The following MIPOL1 variants were observed in gnomAD, a reference collection of about 807,000 sequenced individuals.
MIPOL1 encodes the protein mirror-image polydactyly gene 1 protein.
Under a neutral mutation model 60.9 loss-of-function variants are expected in MIPOL1, and 57 were observed. The ratio of observed to expected loss-of-function variants is 0.94; its 90% CI spans 0.76 to 1.17. The LOEUF (loss-of-function observed/expected upper bound fraction) is 1.17. Among genes scored for constraint, MIPOL1 ranks in the 50% most tolerant of loss-of-function variants. The pLI, the probability that MIPOL1 is intolerant of heterozygous loss-of-function variation, is 0.00. For synonymous variants in MIPOL1, 179 were observed against 168.8 expected (o/e 1.06, Z -0.47); for missense variants, 551 against 511.6 (o/e 1.08, Z -0.74).
chr14:37,307,277 TCA>T (rs2086865902), intron 7 of MIPOL1, among the ~76,000 whole-genome samples: 1 of 151,898 alleles, frequency 6.6e-6, no homozygotes, highest in South Asian at 2.1e-4. Flanking sequence ...CTAACATATA[TCA>T]CAAATTTTCT....
At chr14:37,414,382 G>A (rs889118984) in intron 10 of MIPOL1, among the ~76,000 whole-genome samples, 1 of 152,088 alleles carries the variant, frequency 6.6e-6, no homozygotes, top group Non-Finnish European at 1.5e-5. Context: ...CTCTTCAATT[G>A]TGGGTGAAGT....
intron 11 of MIPOL1, among the ~76,000 whole-genome samples, chr14:37,490,416 C>G (rs906395985): frequency 4.6e-5 from 7 of 152,158 alleles, no homozygotes; most frequent in African/African-American, 1.7e-4. Context: ...GCCAGCCAGA[C>G]CACTTGGCTC....
At chr14:37,207,198 TG>T (rs1966226799) in intron 1 of MIPOL1, among the ~76,000 whole-genome samples, 2 of 152,152 alleles carry the variant, frequency 1.3e-5, no homozygotes, top group South Asian at 2.1e-4. Context: ...ACTTGAATCA[TG>T]GGGGCAGTTC....
chr14:37,360,792 G>A (rs971790485), intron 9 of MIPOL1, among the ~76,000 whole-genome samples: 1 of 152,024 alleles, frequency 6.6e-6, no homozygotes, highest in Non-Finnish European at 1.5e-5. Flanking sequence ...TGATTTTTTT[G>A]AAGGGTTTTT....
chr14:37,354,805 G>T (rs2091678701), intron 9 of MIPOL1, among the ~76,000 whole-genome samples: 1 of 103,660 alleles, frequency 9.6e-6, no homozygotes, highest in African/African-American at 3.7e-5. Flanking sequence ...GTGTGTCTCT[G>T]CACGTGAGAT....
At chr14:37,487,191 G>T (rs1423368751) in intron 11 of MIPOL1, among the ~76,000 whole-genome samples, 2 of 152,106 alleles carry the variant, frequency 1.3e-5, no homozygotes, top group Admixed American at 1.3e-4. Flanking sequence ...AAGCCGACTT[G>T]ATCGTGGTGG....
intron 10 of MIPOL1, among the ~76,000 whole-genome samples, chr14:37,417,247 A>G (rs2093786301): frequency 6.6e-6 from 1 of 152,228 alleles, no homozygotes; most frequent in South Asian, 2.1e-4. Flanking sequence ...CTCACTGCCC[A>G]TGAATCAGTT....
At chr14:37,318,823 A>AG (rs1383992652) in intron 9 of MIPOL1, among the ~76,000 whole-genome samples, 5,150 of 150,608 alleles carry the variant, frequency 0.034, 294 homozygotes, top group African/African-American at 0.12. Flanking sequence ...TTATTTATTT[A>AG]TTTAGTTAGT....
chr14:37,323,409 T>C (rs1015270952), intron 9 of MIPOL1, among the ~76,000 whole-genome samples: 1 of 152,122 alleles, frequency 6.6e-6, no homozygotes, highest in Non-Finnish European at 1.5e-5. Context: ...TCAGTTAGCG[T>C]GATGCCTCCA....
intron 11 of MIPOL1, among the ~76,000 whole-genome samples, chr14:37,493,929 A>G (rs1229086209): frequency 6.6e-6 from 1 of 152,194 alleles, no homozygotes; most frequent in East Asian, 1.9e-4. Flanking sequence ...AGGAGTTATA[A>G]TACTACTACT....
chr14:37,412,531 A>G (rs1197296025), intron 10 of MIPOL1, among the ~76,000 whole-genome samples: 1 of 152,164 alleles, frequency 6.6e-6, no homozygotes, highest in Non-Finnish European at 1.5e-5. Flanking sequence ...TGAATCTCAC[A>G]AGATTAATGT....
chr14:37,545,862 T>C (rs2095545421), intron 12 of MIPOL1: 4 of 387,400 alleles, frequency 1.0e-5, no homozygotes, highest in Non-Finnish European at 1.9e-5. Context: ...TGGATCCATA[T>C]AAATGAGGCA....
intron 10 of MIPOL1, among the ~76,000 whole-genome samples, chr14:37,420,800 G>A (rs1417668849): frequency 6.6e-6 from 1 of 152,002 alleles, no homozygotes; most frequent in Non-Finnish European, 1.5e-5. Flanking sequence ...TAGACAACCT[G>A]GATCTTATAC....
chr14:37,357,298 G>A (rs955143982), intron 9 of MIPOL1, among the ~76,000 whole-genome samples: 1 of 152,158 alleles, frequency 6.6e-6, no homozygotes, highest in African/African-American at 2.4e-5. Flanking sequence ...ATGCTGTGCA[G>A]ATTTTTAACT....
intron 4 of MIPOL1, among the ~76,000 whole-genome samples, chr14:37,267,907 G>T (rs2083002563): frequency 1.3e-5 from 2 of 151,986 alleles, no homozygotes; most frequent in African/African-American, 4.8e-5. Flanking sequence ...AAAGGGCCTT[G>T]TTCTCTACCA....
intron 3 of MIPOL1, among the ~76,000 whole-genome samples, chr14:37,255,260 G>A (rs1011529541): frequency 2.6e-5 from 4 of 151,674 alleles, no homozygotes; most frequent in Non-Finnish European, 4.4e-5. Context: ...TAATATAAAG[G>A]TCTGAGTGTG....
rs1216502021 is a variant in MIPOL1, at chr14:37,267,051, T to C, written c.133T>C (p.Leu45=). 1.9e-6 allele frequency: 3 copies of C among 1,613,942 alleles called. No homozygotes were observed. The highest frequency in any genetic ancestry group is 1.7e-6 in the Non-Finnish European group (2 of 1,179,918). ...EKSMHRKSTE[L]VNEITCENTE... is the part of the protein sequence containing the mutation. ...AAGTATGCATCGGAAATCCACTGAA[T>C]TAGTTAATGAAATAACATGTGAGAA... Residue 45 remains leucine, a synonymous_variant, in exon 4 of 13, where the codon TTA becomes CTA. Transcript: ENST00000684589.
At chr14:37,414,333 G>A (rs997594795) in intron 10 of MIPOL1, among the ~76,000 whole-genome samples, 1 of 152,046 alleles carries the variant, frequency 6.6e-6, no homozygotes, top group Non-Finnish European at 1.5e-5. Flanking sequence ...TTACATCTTA[G>A]CCAGTATATC....
chr14:37,355,765 T>G (rs1457783885), intron 9 of MIPOL1, among the ~76,000 whole-genome samples: 1 of 150,580 alleles, frequency 6.6e-6, no homozygotes, highest in African/African-American at 2.4e-5. Flanking sequence ...CATCAGCTGC[T>G]TTAAGCACTT....
Sources: allele counts gnomAD v4.1 joint callset (sites outside exome capture counted in the v4.1 genomes callset), GRCh38; gene constraint gnomAD v4.1.1; transcripts MANE v1.5; gene names NCBI Gene and HGNC (gene_info 2026-07-23, HGNC 2026-07-21).